The following MOCOS variants were observed in gnomAD, a reference collection of about 807,000 sequenced individuals.
MOCOS encodes the protein molybdenum cofactor sulfurase, also known as human molybdenum cofactor sulfurase.
MOCOS carries 86 observed loss-of-function variants against 83.6 expected under a neutral mutation model. The observed-to-expected ratio is 1.03, with a 90% CI of 0.86 to 1.23. The LOEUF (loss-of-function observed/expected upper bound fraction) is 1.23. Ranked by LOEUF, MOCOS falls within the 50% of genes most tolerant of loss-of-function variation. MOCOS has a pLI of 0.00. For synonymous variants in MOCOS, 445 were observed against 434.7 expected (o/e 1.02, Z -0.29); for missense variants, 1,120 against 1,126.9 (o/e 0.99, Z 0.09).
intron 1 of MOCOS, among the ~76,000 whole-genome samples, chr18:36,194,810 G>T (rs2091380965): frequency 6.6e-6 from 1 of 152,218 alleles, no homozygotes; most frequent in African/African-American, 2.4e-5. Flanking sequence ...TGGATCATTT[G>T]CATTCCTTGT....
At chr18:36,208,035 A>C (rs2091440803) in intron 6 of MOCOS, among the ~76,000 whole-genome samples, 1 of 152,178 alleles carries the variant, frequency 6.6e-6, no homozygotes, top group African/African-American at 2.4e-5. Flanking sequence ...TCCCAGCACC[A>C]TTTATTGAAT....
At chr18:36,232,005 C>G (rs2091539479) in intron 9 of MOCOS, among the ~76,000 whole-genome samples, 1 of 152,136 alleles carries the variant, frequency 6.6e-6, no homozygotes, top group Admixed American at 6.6e-5. Flanking sequence ...CTCACTGTGT[C>G]ACCCAGGCTG....
intron 1 of MOCOS, among the ~76,000 whole-genome samples, chr18:36,188,454 G>T (rs2091351228): frequency 6.6e-6 from 1 of 152,232 alleles, no homozygotes; most frequent in Non-Finnish European, 1.5e-5. Flanking sequence ...GCCCTCTGCT[G>T]CCAGGGCCCA....
chr18:36,220,374 GAGCACGT>G (rs1472512518), intron 9 of MOCOS, among the ~76,000 whole-genome samples, 157 bp downstream of exon 9: 1 of 151,878 alleles, frequency 6.6e-6, no homozygotes, highest in Non-Finnish European at 1.5e-5. Context: ...CTGGGTGTGG[GAGCACGT>G]GCCTGTAATC....
At chr18:36,238,952 G>A (rs915168136) in intron 9 of MOCOS, among the ~76,000 whole-genome samples, 12 of 151,028 alleles carry the variant, frequency 7.9e-5, no homozygotes, top group African/African-American at 2.7e-4. Flanking sequence ...GACTAGGATT[G>A]CAACCCCTGC....
intron 9 of MOCOS, among the ~76,000 whole-genome samples, chr18:36,222,633 G>A (rs369687348): frequency 3.5e-5 from 5 of 143,150 alleles, no homozygotes; most frequent in South Asian, 2.2e-4. Flanking sequence ...ACAGAGCCTC[G>A]CTCTGTCGCC....
intron 1 of MOCOS, among the ~76,000 whole-genome samples, chr18:36,191,023 A>AAAAAAAG (rs2091363025): frequency 7.4e-6 from 1 of 135,582 alleles, no homozygotes; most frequent in Non-Finnish European, 1.6e-5. Context: ...TATCTCTCAA[A>AAAAAAAG]AAAAAAAAGA....
intron 8 of MOCOS, among the ~76,000 whole-genome samples, chr18:36,216,572 A>G (rs902693094): frequency 2.3e-4 from 35 of 152,364 alleles, no homozygotes; most frequent in African/African-American, 8.2e-4. Context: ...AAGAAGCTCA[A>G]CCCTACTATA....
At chr18:36,238,534 G>A (rs1490534433) in intron 9 of MOCOS, among the ~76,000 whole-genome samples, 1 of 148,426 alleles carries the variant, frequency 6.7e-6, no homozygotes, top group East Asian at 2.0e-4. Flanking sequence ...TACATTTGCT[G>A]AGGAGTGCTT....
chr18:36,266,928 GCA>G, intron 14 of MOCOS, 75 bp downstream of exon 14: 1 of 1,241,730 alleles, frequency 8.1e-7, no homozygotes, highest in Non-Finnish European at 1.2e-6. Flanking sequence ...GTTCATAATA[GCA>G]CAGAGTTATT....
chr18:36,197,645 T>C (rs1409116301), intron 2 of MOCOS, among the ~76,000 whole-genome samples: 1 of 152,116 alleles, frequency 6.6e-6, no homozygotes, highest in Non-Finnish European at 1.5e-5. Context: ...TGGTGGCACA[T>C]GCCTGTTGTG....
chr18:36,254,463 TG>T (rs2091633808), intron 11 of MOCOS, among the ~76,000 whole-genome samples: 1 of 86,414 alleles, frequency 1.2e-5, no homozygotes, highest in African/African-American at 5.5e-5. Flanking sequence ...TATCTCTGTG[TG>T]TGTGTGTGTG....
chr18:36,199,520 C>T (rs1253484294), intron 3 of MOCOS, among the ~76,000 whole-genome samples, 163 bp from the exon 4 acceptor site: 1 of 152,240 alleles, frequency 6.6e-6, no homozygotes, highest in Non-Finnish European at 1.5e-5. Flanking sequence ...AACTGGAACT[C>T]GTTCCCACGG....
intron 9 of MOCOS, among the ~76,000 whole-genome samples, chr18:36,232,340 C>T (rs2091541504): frequency 6.6e-6 from 1 of 152,036 alleles, no homozygotes; most frequent in African/African-American, 2.4e-5. Flanking sequence ...TAATTTTGAA[C>T]AGATACAGTA....
chr18:36,258,574 A>G (rs1428176071), intron 12 of MOCOS, among the ~76,000 whole-genome samples: 2 of 152,132 alleles, frequency 1.3e-5, no homozygotes, highest in Non-Finnish European at 2.9e-5. Flanking sequence ...TGCCATTCAA[A>G]GGAGATTGGG....
intron 13 of MOCOS, among the ~76,000 whole-genome samples, chr18:36,266,013 C>T (rs1418457277): frequency 6.6e-6 from 1 of 152,172 alleles, no homozygotes; most frequent in East Asian, 1.9e-4. Flanking sequence ...TTGTCCATGA[C>T]TGTGGTTGGG....
intron 13 of MOCOS, among the ~76,000 whole-genome samples, chr18:36,264,806 G>A (rs192811862): frequency 5.1e-4 from 78 of 152,268 alleles, no homozygotes; most frequent in Non-Finnish European, 9.8e-4. Context: ...TACAGTGCCA[G>A]TATCAGAGCC....
chr18:36,254,109 C>A (rs1166043757), intron 11 of MOCOS, among the ~76,000 whole-genome samples: 4 of 152,134 alleles, frequency 2.6e-5, no homozygotes, highest in African/African-American at 9.7e-5. Flanking sequence ...CAGGGAGTGT[C>A]AGCTTGTGAC....
intron 9 of MOCOS, among the ~76,000 whole-genome samples, chr18:36,238,413 G>A (rs1442555409): frequency 2.0e-5 from 3 of 150,614 alleles, no homozygotes; most frequent in Non-Finnish European, 4.5e-5. Flanking sequence ...TTCAGGAGCC[G>A]GTTGTTCAGT....
Sources: allele counts gnomAD v4.1 joint callset (sites outside exome capture counted in the v4.1 genomes callset), GRCh38; gene constraint gnomAD v4.1.1; transcripts MANE v1.5; gene names NCBI Gene and HGNC (gene_info 2026-07-23, HGNC 2026-07-21).